NKAIN3: variants seen among roughly 807,000 people sequenced by gnomAD.
The protein encoded by NKAIN3 is sodium/potassium-transporting ATPase subunit beta-1-interacting protein 3.
A neutral mutation model predicts 30.2 loss-of-function variants in NKAIN3; 25 were observed. The observed-to-expected ratio is 0.83, with a 90% confidence interval of 0.60 to 1.16. The LOEUF is 1.16. Among genes scored for constraint, NKAIN3 ranks in the 50% most tolerant of loss-of-function variants. The pLI is 0.00. For synonymous variants in NKAIN3, 91 were observed against 89.6 expected, an observed-to-expected ratio of 1.02 and a Z score of -0.09; for missense variants, 225 against 254.1, an observed-to-expected ratio of 0.89 and a Z score of 0.78.
intron 1 of NKAIN3, among the ~76,000 whole-genome samples, chr8:62,406,815 G>A (rs984664017): frequency 2.6e-5 from 4 of 152,104 alleles, no homozygotes; most frequent in African/African-American, 9.7e-5. Context: ...AAATTCTTAT[G>A]TGATCATGGC....
At chr8:62,839,847 A>C (rs1819478172) in intron 4 of NKAIN3, among the ~76,000 whole-genome samples, 1 of 152,046 alleles carries the variant, frequency 6.6e-6, no homozygotes, top group Admixed American at 6.6e-5. Context: ...CTCAGGCCTC[A>C]AGCAATATTC....
At chr8:62,628,483 G>GT (rs1397082341) in intron 3 of NKAIN3, among the ~76,000 whole-genome samples, 1 of 152,082 alleles carries the variant, frequency 6.6e-6, no homozygotes, top group African/African-American at 2.4e-5. Context: ...TCATCATTAA[G>GT]TTTTTTCATT....
chr8:62,483,061 G>T (rs548398420), intron 1 of NKAIN3: 1 of 152,302 alleles, frequency 6.6e-6, no homozygotes. Context: ...GAGCCTTCTC[G>T]GCTAAACACA....
At chr8:62,816,838 T>C (rs968838941) in intron 4 of NKAIN3, among the ~76,000 whole-genome samples, 1 of 152,152 alleles carries the variant, frequency 6.6e-6, no homozygotes, top group Admixed American at 6.6e-5. Flanking sequence ...AGCAACTGTG[T>C]CAGAAATCCC....
chr8:62,989,920 T>C (rs1824285777), intron 5 of NKAIN3, among the ~76,000 whole-genome samples: 1 of 152,164 alleles, frequency 6.6e-6, no homozygotes, highest in Non-Finnish European at 1.5e-5. Flanking sequence ...CACATTACCT[T>C]GTTCATTCCC....
At chr8:62,938,518 C>A (rs1252927464) in intron 5 of NKAIN3, among the ~76,000 whole-genome samples, 4 of 151,610 alleles carry the variant, frequency 2.6e-5, no homozygotes, top group African/African-American at 9.8e-5. Flanking sequence ...GCTACCTTCA[C>A]TGGAGCAGTT....
chr8:62,914,941 C>T (rs559279517), intron 4 of NKAIN3, among the ~76,000 whole-genome samples: 3 of 152,198 alleles, frequency 2.0e-5, no homozygotes, highest in East Asian at 1.9e-4. Flanking sequence ...TGTCCTAATG[C>T]TCTCCCTCTC....
chr8:62,631,432 A>G (rs1281676157), intron 3 of NKAIN3, among the ~76,000 whole-genome samples: 3 of 152,110 alleles, frequency 2.0e-5, no homozygotes, highest in Non-Finnish European at 4.4e-5. Flanking sequence ...CCTACTGTCT[A>G]TATCCACAAT....
intron 1 of NKAIN3, among the ~76,000 whole-genome samples, chr8:62,430,397 G>GTA (rs1280523000): frequency 2.0e-5 from 3 of 151,056 alleles, no homozygotes; most frequent in Non-Finnish European, 4.4e-5. Flanking sequence ...GTGTGTGTGT[G>GTA]TGTGTGTGTG....
chr8:62,928,135 G>T (rs1319970375), intron 5 of NKAIN3, among the ~76,000 whole-genome samples: 2 of 152,056 alleles, frequency 1.3e-5, no homozygotes, highest in Non-Finnish European at 2.9e-5. Flanking sequence ...AGATATTAGG[G>T]AGTATTCATA....
At chr8:62,673,199 G>A (rs1196485585) in intron 3 of NKAIN3, among the ~76,000 whole-genome samples, 1 of 152,188 alleles carries the variant, frequency 6.6e-6, no homozygotes, top group Non-Finnish European at 1.5e-5. Flanking sequence ...TCAAGTTTGT[G>A]TTTCTCACAA....
intron 3 of NKAIN3, among the ~76,000 whole-genome samples, chr8:62,705,398 A>C (rs1355719002): frequency 1.3e-5 from 2 of 152,178 alleles, no homozygotes; most frequent in African/African-American, 4.8e-5. Flanking sequence ...CTTTAGAGAC[A>C]ACATTGGACC....
chr8:62,918,493 C>T lies in NKAIN3; in HGVS notation c.512C>T (p.Ser171Phe). ...TATGCCTGTTATGTGATCAGTATTT[C>T]CATGGAAGAAGAAGACACATGTAAG... ...FVYACYVISISMEEEDTFDFI... is the reference protein window; with the variant it reads ...FVYACYVISIFMEEEDTFDFI... Residue 171 changes from serine to phenylalanine, a missense_variant, in exon 5 of 7, where the codon TCC (serine) becomes TTC (phenylalanine). Ser to Phe is a radical substitution (Grantham distance 155, BLOSUM62 -2). Transcript: ENST00000623646. 6.2e-7 allele frequency: 1 copy of T among 1,612,760 alleles called. No homozygotes were observed. Among genetic ancestry groups the T allele is most frequent in the Non-Finnish European group, 8.5e-7 (1 of 1,178,960 alleles).
chr8:62,964,537 A>AGAGAGAGT (rs1386858813), intron 6 of NKAIN3, among the ~76,000 whole-genome samples: 26 of 133,132 alleles, frequency 2.0e-4, no homozygotes, highest in Non-Finnish European at 3.7e-4. Context: ...AGAGAGAGAG[A>AGAGAGAGT]GTGTGTGTGT....
At chr8:62,723,144 C>T (rs1170776805) in intron 3 of NKAIN3, among the ~76,000 whole-genome samples, 1 of 152,102 alleles carries the variant, frequency 6.6e-6, no homozygotes, top group African/African-American at 2.4e-5. Flanking sequence ...TCTATTTATT[C>T]AGCTATGCTT....
intron 3 of NKAIN3, among the ~76,000 whole-genome samples, chr8:62,724,734 G>A (rs1815202238): frequency 6.6e-6 from 1 of 152,026 alleles, no homozygotes; most frequent in South Asian, 2.1e-4. Flanking sequence ...TGGCTGAATA[G>A]TTCTCAATTG....
intron 4 of NKAIN3, among the ~76,000 whole-genome samples, chr8:62,873,833 C>T (rs1271036997): frequency 6.6e-6 from 1 of 152,004 alleles, no homozygotes; most frequent in Non-Finnish European, 1.5e-5. Flanking sequence ...ATGGCTAAAG[C>T]AGTGTTAACA....
At chr8:62,943,849 G>C (rs911496087) in intron 5 of NKAIN3, among the ~76,000 whole-genome samples, 1 of 149,972 alleles carries the variant, frequency 6.7e-6, no homozygotes, top group East Asian at 1.9e-4. Flanking sequence ...TCAGCCATTA[G>C]AGGGAACAAA....
intron 4 of NKAIN3, among the ~76,000 whole-genome samples, chr8:62,887,690 A>C (rs1440600411): frequency 6.6e-6 from 1 of 151,918 alleles, no homozygotes; most frequent in African/African-American, 2.4e-5. Flanking sequence ...AGCATCCTTT[A>C]TTTCTTATAC....
Sources: allele counts gnomAD v4.1 joint callset (sites outside exome capture counted in the v4.1 genomes callset), GRCh38; gene constraint gnomAD v4.1.1; transcripts MANE v1.5; gene names NCBI Gene and HGNC (gene_info 2026-07-23, HGNC 2026-07-21).